The following DGKB variants were observed in gnomAD, a reference collection of about 807,000 sequenced individuals.
DGKB encodes the protein diacylglycerol kinase beta.
A neutral mutation model predicts 114.3 loss-of-function variants in DGKB; 67 were observed. The observed-to-expected ratio is 0.59, with a 90% confidence interval of 0.48 to 0.72. The LOEUF is 0.72. Ranked by LOEUF, DGKB falls within the 30% of genes least tolerant of loss-of-function variation. DGKB has a pLI of 0.00. For synonymous variants in DGKB, 398 were observed against 323.1 expected (o/e 1.23, Z -2.49); for missense variants, 907 against 975.2 (o/e 0.93, Z 0.93).
In DGKB at chr7:14,255,160, G is replaced by T. The variant is rs1223314131; in HGVS notation, c.2123-77009C>A. Among the ~76,000 whole-genome samples, 3 of 152,200 alleles carry T rather than the reference G, an allele frequency of 2.0e-5. No individual in the cohort carries two copies. In the East Asian group the frequency reaches 5.8e-4, roughly 29 times the overall value. ...AACTTTCTTAAAACTGTTCTCCATT[G>T]CCTGGGTAAGAAGTATTTGTAATCA... On this transcript the variant is annotated intron_variant, in intron 23 of 25. Transcript: ENST00000402815.
intron 23 of DGKB, among the ~76,000 whole-genome samples, chr7:14,197,065 T>A (rs1785134271): frequency 6.6e-6 from 1 of 152,018 alleles, no homozygotes; most frequent in Non-Finnish European, 1.5e-5. Context: ...AACTTTCAGA[T>A]TTTCAACACT....
At chr7:14,187,486 A>T (rs1584333516) in intron 23 of DGKB, among the ~76,000 whole-genome samples, 1 of 152,158 alleles carries the variant, frequency 6.6e-6, no homozygotes, top group Non-Finnish European at 1.5e-5. Context: ...CTGCTTTCCT[A>T]GACAGATTGC....
At position 14,886,003 on chromosome 7, in the gene DGKB, T is replaced by C. The variant is rs58453857; in HGVS notation, c.-188+16589A>G. Among the ~76,000 whole-genome samples the C allele has an allele frequency of 2.7e-3, 408 of 151,674 alleles. 3 individuals carry two copies. Among genetic ancestry groups the C allele is most frequent in the African/African-American group, 9.0e-3 (372 of 41,400 alleles). On this transcript the variant is annotated intron_variant, in intron 1 of 25. Coordinates refer to ENST00000402815, the MANE Select transcript of DGKB (RefSeq NM_001350709.2). ...TATTTTGAGCAAGAACATGGGAAAA[T>C]CAAAACCCTATACAAGAAAATTGAT...
At chr7:14,337,123 G>T (rs1226463327) in intron 23 of DGKB, among the ~76,000 whole-genome samples, 1 of 151,992 alleles carries the variant, frequency 6.6e-6, no homozygotes, top group Non-Finnish European at 1.5e-5. Flanking sequence ...GCAATACTTA[G>T]AATTTTTCAC....
intron 23 of DGKB, among the ~76,000 whole-genome samples, chr7:14,281,328 G>A (rs1562827350): frequency 6.9e-6 from 1 of 145,560 alleles, no homozygotes; most frequent in Non-Finnish European, 1.5e-5. Context: ...AAATATATAT[G>A]CACCCAATAC....
intron 21 of DGKB, among the ~76,000 whole-genome samples, chr7:14,364,040 A>G (rs1476122688): frequency 6.6e-6 from 1 of 152,108 alleles, no homozygotes; most frequent in Non-Finnish European, 1.5e-5. Flanking sequence ...TCAGCTCGGT[A>G]CTGTGTGGCC....
chr7:14,895,756 T>G (rs2128231001), intron 1 of DGKB, among the ~76,000 whole-genome samples: 1 of 151,666 alleles, frequency 6.6e-6, no homozygotes, highest in East Asian at 1.9e-4. Context: ...GGGATAGTTT[T>G]CATATCTCTA....
chr7:14,427,905 T>A (rs749830691), intron 21 of DGKB, among the ~76,000 whole-genome samples: 35 of 152,126 alleles, frequency 2.3e-4, no homozygotes, highest in Non-Finnish European at 4.3e-4. Context: ...AAACTGTAGA[T>A]TCAAGTCTAC....
At chr7:14,726,213 C>T (rs964541025) in intron 5 of DGKB, among the ~76,000 whole-genome samples, 18 of 152,162 alleles carry the variant, frequency 1.2e-4, no homozygotes, top group Middle Eastern at 6.8e-3. Flanking sequence ...AATCTGGGCT[C>T]ATGGCAACCT....
rs371720508 is a variant in DGKB, at chr7:14,323,893, A to G, written c.2122+14622T>C. On this transcript the variant is annotated intron_variant, in intron 23 of 25. Coordinates refer to ENST00000402815, the MANE Select transcript of DGKB (RefSeq NM_001350709.2). ...AAAATGGTTTTCAAAAAACCTGTCTATTAGCCTTAGAAAACAACAGATTTA... is the reference window on the plus strand; with the variant it reads ...AAAATGGTTTTCAAAAAACCTGTCTGTTAGCCTTAGAAAACAACAGATTTA... 1.9e-4 allele frequency among the ~76,000 whole-genome samples: 29 copies of G among 152,342 alleles called. 1 individual carries two copies. The highest frequency in any genetic ancestry group is 1.5e-3 in the East Asian group (8 of 5,178).
chr7:14,307,544 T>G (rs564007782), intron 23 of DGKB, among the ~76,000 whole-genome samples: 2 of 152,252 alleles, frequency 1.3e-5, no homozygotes, highest in South Asian at 4.1e-4. Flanking sequence ...GGACTTCTCT[T>G]AGGATAAAGA....
intron 1 of DGKB, among the ~76,000 whole-genome samples, chr7:14,941,987 C>A (rs1227145976): frequency 6.6e-6 from 1 of 152,020 alleles, no homozygotes; most frequent in Admixed American, 6.6e-5. Context: ...ATAAACCTAT[C>A]TTTGCAACCG....
intron 15 of DGKB, among the ~76,000 whole-genome samples, chr7:14,619,939 G>T (rs565809387): frequency 1.3e-5 from 2 of 151,708 alleles, no homozygotes; most frequent in Admixed American, 6.6e-5. Context: ...AATACAATTA[G>T]ATTTCAGAAT....
intron 21 of DGKB, among the ~76,000 whole-genome samples, chr7:14,431,909 T>C (rs1166648413): frequency 6.6e-6 from 1 of 152,172 alleles, no homozygotes; most frequent in Admixed American, 6.6e-5. Context: ...GTCCTTATTA[T>C]AATCTTCACA....
At chr7:14,306,677 ATGT>A (rs755532287) in intron 23 of DGKB, among the ~76,000 whole-genome samples, 3 of 152,092 alleles carry the variant, frequency 2.0e-5, no homozygotes, top group Admixed American at 1.3e-4. Flanking sequence ...AAGAGGCGTA[ATGT>A]TGTGCTGGAA....
intron 1 of DGKB, among the ~76,000 whole-genome samples, chr7:14,842,405 C>T (rs575700381): frequency 1.4e-4 from 22 of 152,218 alleles, no homozygotes; most frequent in African/African-American, 3.1e-4. Flanking sequence ...CGTGGGGTCA[C>T]GTCCCTGTAC....
At chr7:14,553,869 T>TG (rs1795475181) in intron 20 of DGKB, among the ~76,000 whole-genome samples, 1 of 115,350 alleles carries the variant, frequency 8.7e-6, no homozygotes, top group Admixed American at 8.8e-5. Flanking sequence ...TACATGCTTT[T>TG]TTTTTTTTTT....
In DGKB at chr7:14,379,722, C is replaced by G. The variant is rs147897326; in HGVS notation, c.1836-34331G>C. Among the ~76,000 whole-genome samples the G allele has an allele frequency of 2.6e-3, 392 of 152,180 alleles. 2 individuals are homozygous for G. The highest frequency in any genetic ancestry group is 9.1e-3 in the African/African-American group (378 of 41,546). ...TTACAGGCACGTGCCACCACGCCAG[C>G]TAATTTTTTGTATTTTTAGTAGTGA... is the stretch of plus-strand genomic sequence containing the variant. On this transcript the variant is annotated intron_variant, in intron 21 of 25. Transcript: ENST00000402815.
chr7:14,896,849 CT>C (rs1231308683), intron 1 of DGKB, among the ~76,000 whole-genome samples: 1 of 151,808 alleles, frequency 6.6e-6, no homozygotes, highest in Non-Finnish European at 1.5e-5. Flanking sequence ...AATAAAACTT[CT>C]TTTCATATTG....
Sources: gnomAD v4.1 joint callset for allele counts (sites outside exome capture counted in the v4.1 genomes callset) on GRCh38, gnomAD v4.1.1 for gene constraint, MANE v1.5 for transcripts, NCBI Gene and HGNC (gene_info 2026-07-23, HGNC 2026-07-21) for gene names.